Variants in SEMA5A observed in about 807,000 individuals in gnomAD.
SEMA5A encodes semaphorin-5A.
A neutral mutation model predicts 135.5 loss-of-function variants in SEMA5A; 55 were observed. The ratio of observed to expected loss-of-function variants is 0.41; its 90% CI spans 0.33 to 0.51. The LOEUF (loss-of-function observed/expected upper bound fraction) is 0.51, where lower values mean the gene tolerates loss of function less well. SEMA5A is among the 20% of genes least tolerant of loss of function. SEMA5A has a pLI of 0.37. For synonymous variants in SEMA5A, 580 were observed against 546.5 expected (o/e 1.06, Z -0.85); for missense variants, 1,290 against 1,419.9 (o/e 0.91, Z 1.47).
chr5:9,066,963 G>A (rs903523362), intron 16 of SEMA5A, among the ~76,000 whole-genome samples: 2 of 152,084 alleles, frequency 1.3e-5, no homozygotes, highest in Admixed American at 6.5e-5. Context: ...TTAATGAGTA[G>A]CTAAAAGTAC....
chr5:9,246,571 T>A (rs1401494295), intron 5 of SEMA5A, among the ~76,000 whole-genome samples: 4 of 152,208 alleles, frequency 2.6e-5, no homozygotes, highest in African/African-American at 4.8e-5. Flanking sequence ...AGATGTTTTA[T>A]CTGATGTAAC....
At chr5:9,291,717 C>T (rs1256099666) in intron 5 of SEMA5A, among the ~76,000 whole-genome samples, 2 of 151,174 alleles carry the variant, frequency 1.3e-5, no homozygotes, top group South Asian at 2.1e-4. Flanking sequence ...CAAGCAGCCT[C>T]ATCTGATGCC....
intron 5 of SEMA5A, among the ~76,000 whole-genome samples, chr5:9,267,821 C>T (rs946752016): frequency 2.0e-5 from 3 of 152,064 alleles, no homozygotes; most frequent in Non-Finnish European, 2.9e-5. Context: ...TTACAGAACA[C>T]GTGGATAACT....
Position 9,088,038 on chromosome 5 carries a change from A to G in SEMA5A, c.2073+20102T>C, listed in dbSNP as rs1738799987. On this transcript the variant is annotated intron_variant, in intron 16 of 22. Transcript: ENST00000382496. Reference sequence around the variant, plus strand: ...CGTGGTGGCTCACGCCTATAATCCCAGCAAAAGTGCAAAAGTGGCCTCTCA... The same window carrying G: ...CGTGGTGGCTCACGCCTATAATCCCGGCAAAAGTGCAAAAGTGGCCTCTCA... Among the ~76,000 whole-genome samples, 3 of 152,214 alleles carry G rather than the reference A, an allele frequency of 2.0e-5. No individual in the cohort carries two copies. In the South Asian group the frequency reaches 6.2e-4, roughly 32 times the overall value.
chr5:9,199,948 A>G (rs1037674755), intron 9 of SEMA5A, among the ~76,000 whole-genome samples: 3 of 152,166 alleles, frequency 2.0e-5, no homozygotes, highest in Admixed American at 2.0e-4. Context: ...GTGCTGAGAA[A>G]CCTTGACGAA....
intron 5 of SEMA5A, chr5:9,265,529 C>T (rs1468582161): frequency 6.6e-6 from 3 of 456,262 alleles, no homozygotes; most frequent in South Asian, 1.5e-5. Flanking sequence ...GTGTGCGGTC[C>T]TCCTGCTCCA....
chr5:9,294,681 A>AT (rs1579295825), intron 5 of SEMA5A, among the ~76,000 whole-genome samples: 1 of 152,232 alleles, frequency 6.6e-6, no homozygotes, highest in East Asian at 1.9e-4. Context: ...ACTTCTAAAC[A>AT]CTTCCCCCAT....
intron 1 of SEMA5A, among the ~76,000 whole-genome samples, chr5:9,460,584 C>G (rs1438412925): frequency 6.6e-6 from 1 of 152,088 alleles, no homozygotes; most frequent in East Asian, 1.9e-4. Flanking sequence ...GCAAAATCTA[C>G]TCACTCGAAG....
At chr5:9,167,419 C>T (rs80309211) in intron 11 of SEMA5A, among the ~76,000 whole-genome samples, 4 of 152,170 alleles carry the variant, frequency 2.6e-5, no homozygotes, top group African/African-American at 7.2e-5. Flanking sequence ...TGTCCATGCA[C>T]CTGAAATCCT....
intron 1 of SEMA5A, among the ~76,000 whole-genome samples, chr5:9,503,942 C>T (rs568925661): frequency 2.6e-5 from 4 of 152,182 alleles, no homozygotes; most frequent in Middle Eastern, 3.4e-3. Context: ...CACGGCTGGG[C>T]GCGGTGGCTC....
At chr5:9,238,130 T>G (rs1748009948) in intron 5 of SEMA5A, among the ~76,000 whole-genome samples, 1 of 152,142 alleles carries the variant, frequency 6.6e-6, no homozygotes, top group Non-Finnish European at 1.5e-5. Context: ...GTAGTAATGA[T>G]GGGATGCTTA....
At chr5:9,165,338 G>C (rs1042233850) in intron 11 of SEMA5A, among the ~76,000 whole-genome samples, 3 of 152,160 alleles carry the variant, frequency 2.0e-5, no homozygotes, top group Non-Finnish European at 4.4e-5. Context: ...AGGAAAATGT[G>C]ATATAAAAAT....
chr5:9,545,106 T>G lies in SEMA5A; in HGVS notation c.-175+478A>C, dbSNP rs1561339022. 6.6e-6 allele frequency among the ~76,000 whole-genome samples: 1 copy of G among 152,028 alleles called. No individual in the cohort carries two copies. Among genetic ancestry groups the G allele is most frequent in the Non-Finnish European group, 1.5e-5 (1 of 67,996 alleles). On this transcript the variant is annotated intron_variant, in intron 1 of 22. Coordinates refer to ENST00000382496, the MANE Select transcript of SEMA5A (RefSeq NM_003966.3). This position sits in a 1 kb window ranked among gnomAD's most constrained non-coding sequence, Gnocchi z 4.5. ...GTCCCATTGCCTCCCGGTTCCCCTG[T>G]AAGGAAAGCAGGAAAACCTGCCCAA...
chr5:9,280,776 C>T (rs1277131905), intron 5 of SEMA5A: 2 of 428,350 alleles, frequency 4.7e-6, no homozygotes, highest in South Asian at 1.7e-5. Flanking sequence ...TCACTGACAA[C>T]AGCAATACTC....
rs907846457 is a variant in SEMA5A, at chr5:9,038,606, C to T, written c.*4291G>A. The T allele has an allele frequency of 5.3e-5, 8 of 152,098 alleles. No homozygotes were observed. The highest frequency in any genetic ancestry group is 1.3e-4 in the Admixed American group (2 of 15,272). 9.4% of individuals were successfully genotyped at this position (152,098 alleles called of 1,614,324 possible). A position where few individuals can be genotyped will look rare whatever the true frequency, so the allele number is the denominator to read the frequency against. On this transcript the variant is annotated 3_prime_UTR_variant, in exon 23 of 23. Coordinates refer to ENST00000382496, the MANE Select transcript of SEMA5A (RefSeq NM_003966.3). ...CTAACAAGGCTGTGTTTAGACAAAA[C>T]GATTAGCTGAGTATAGACTTGATAT...
At chr5:9,109,696 C>T (rs1740138716) in intron 15 of SEMA5A, among the ~76,000 whole-genome samples, 2 of 152,158 alleles carry the variant, frequency 1.3e-5, no homozygotes, top group African/African-American at 2.4e-5. Flanking sequence ...TCCTGCAGGG[C>T]CTATGCAACA....
chr5:9,276,569 C>T (rs893175215), intron 5 of SEMA5A, among the ~76,000 whole-genome samples: 31 of 152,240 alleles, frequency 2.0e-4, no homozygotes, highest in Non-Finnish European at 3.5e-4. Flanking sequence ...AACTATAATA[C>T]AAGGCTACAG....
chr5:9,180,087 G>A (rs561525858), intron 11 of SEMA5A, among the ~76,000 whole-genome samples: 2 of 152,132 alleles, frequency 1.3e-5, no homozygotes, highest in African/African-American at 2.4e-5. Context: ...TTATCACATG[G>A]CATTCTCCTG....
intron 16 of SEMA5A, among the ~76,000 whole-genome samples, chr5:9,086,145 C>T (rs964575992): frequency 6.6e-6 from 1 of 152,168 alleles, no homozygotes. Flanking sequence ...AAGGGACTTG[C>T]CTTGTCTCAG....
Sources: gnomAD v4.1 joint callset for allele counts (sites outside exome capture counted in the v4.1 genomes callset) on GRCh38, gnomAD v4.1.1 for gene constraint, Gnocchi (gnomAD v3.1) non-coding constraint, MANE v1.5 for transcripts, NCBI Gene and HGNC (gene_info 2026-07-23, HGNC 2026-07-21) for gene names.